Variants in CERS6 observed in about 807,000 individuals in gnomAD.
CERS6 encodes the protein LAG1 homolog, ceramide synthase 6.
CERS6 carries 26 observed loss-of-function variants against 56.8 expected under a neutral mutation model. The ratio of observed to expected loss-of-function variants is 0.46; its 90% confidence interval spans 0.34 to 0.63. The LOEUF is 0.63. Among genes scored for constraint, CERS6 ranks in the 30% least tolerant of loss-of-function variants. The pLI, the probability that CERS6 is intolerant of heterozygous loss-of-function variation, is 0.01. For synonymous variants in CERS6, 164 were observed against 173.3 expected (o/e 0.95, Z 0.42); for missense variants, 415 against 467.5 (o/e 0.89, Z 1.04).
chr2:168,666,268 T>C (rs949718698), intron 4 of CERS6, among the ~76,000 whole-genome samples: 1 of 152,224 alleles, frequency 6.6e-6, no homozygotes, highest in Non-Finnish European at 1.5e-5. Context: ...TACACTGTCA[T>C]GGAGAGTAGC....
At chr2:168,477,660 T>G (rs1218603199) in intron 1 of CERS6, among the ~76,000 whole-genome samples, 2 of 152,202 alleles carry the variant, frequency 1.3e-5, no homozygotes, top group Non-Finnish European at 2.9e-5. Context: ...ACCTTAAATT[T>G]CTATTAGTGT....
At chr2:168,487,981 A>G (rs1213473061) in intron 1 of CERS6, among the ~76,000 whole-genome samples, 1 of 152,108 alleles carries the variant, frequency 6.6e-6, no homozygotes, top group Non-Finnish European at 1.5e-5. Flanking sequence ...TGGCCTCCCA[A>G]AGTACTGGGA....
Position 168,765,646 on chromosome 2 carries a change from C to G in CERS6, c.900C>G (p.Ser300=), listed in dbSNP as rs769678959. The G allele has an allele frequency of 6.2e-7, 1 of 1,614,098 alleles. No homozygotes were observed. The highest frequency in any genetic ancestry group is 1.1e-5 in the South Asian group (1 of 91,064). The change falls in exon 9 of 10, where the codon TCC becomes TCG. Residue 300 remains serine (S), a synonymous_variant. Transcript: ENST00000305747. The part of the protein sequence containing the change: ...ESWEIVGPYP[S]WWVFNLLLLL... ...GGGAGATCGTTGGACCTTACCCTTC[C>G]TGGTGGGTTTTTAACCTACTGCTAT...
intron 8 of CERS6, among the ~76,000 whole-genome samples, chr2:168,743,214 A>ATGTG (rs111304857): frequency 7.7e-6 from 1 of 130,708 alleles, no homozygotes; most frequent in African/African-American, 2.6e-5. Context: ...GTGTGTGTGT[A>ATGTG]TGTGTGTGTG....
chr2:168,694,574 A>G (rs189695877), intron 5 of CERS6, among the ~76,000 whole-genome samples: 1 of 152,248 alleles, frequency 6.6e-6, no homozygotes, highest in East Asian at 1.9e-4. Flanking sequence ...CCTATCACCT[A>G]CTGTCTTGTC....
intron 4 of CERS6, among the ~76,000 whole-genome samples, chr2:168,638,756 G>A (rs1376365363): frequency 6.6e-6 from 1 of 152,122 alleles, no homozygotes; most frequent in Middle Eastern, 3.2e-3. Flanking sequence ...TGTTGTTGCT[G>A]CATTGTGTTT....
intron 8 of CERS6, among the ~76,000 whole-genome samples, chr2:168,719,290 A>T (rs1333489791): frequency 6.6e-6 from 1 of 152,130 alleles, no homozygotes; most frequent in Admixed American, 6.5e-5. Context: ...TTTTTTCCAA[A>T]CATTTACTGG....
intron 6 of CERS6, among the ~76,000 whole-genome samples, chr2:168,712,048 G>A (rs1398156939): frequency 6.6e-6 from 1 of 152,172 alleles, no homozygotes; most frequent in Non-Finnish European, 1.5e-5. Context: ...TCCAGGATAG[G>A]TAAGTGGGGG....
rs533818897 is a variant in CERS6 at position 168,461,225 on chromosome 2, A to G, written c.170+4607A>G. 2.0e-5 allele frequency among the ~76,000 whole-genome samples: 3 copies of G among 152,258 alleles called. No individual in the cohort carries two copies. In the East Asian group the frequency reaches 5.8e-4, roughly 29 times the overall value. ...GGTTTTCTCATGCAATCAGTGCTGG[A>G]TGTTAAACCCTATAAGTGTTCCTTA... is the stretch of plus-strand genomic sequence containing the variant. On this transcript the variant is annotated intron_variant, in intron 1 of 9. Coordinates refer to ENST00000305747, the MANE Select transcript of CERS6 (RefSeq NM_203463.3).
At chr2:168,746,511 C>G (rs1684100426) in intron 8 of CERS6, among the ~76,000 whole-genome samples, 1 of 151,694 alleles carries the variant, frequency 6.6e-6, no homozygotes. Context: ...GGTGGAGGGA[C>G]ATGATGAGAC....
In CERS6 at chr2:168,765,660, A is replaced by C. The variant is rs770756910; in HGVS notation, c.914A>C (p.Asn305Thr). The C allele has an allele frequency of 3.1e-6, 5 of 1,614,098 alleles. No homozygotes were observed. Residue 305 changes from asparagine (N) to threonine (T), a missense_variant, in exon 9 of 10, where the codon AAC becomes ACC. Asn to Thr is a moderately conservative substitution (Grantham distance 65, BLOSUM62 0). Coordinates refer to ENST00000305747, the MANE Select transcript of CERS6 (RefSeq NM_203463.3). ...CCTTACCCTTCCTGGTGGGTTTTTAACCTACTGCTATTGCTAGTACAAGGG... is the reference window on the plus strand; with the variant it reads ...CCTTACCCTTCCTGGTGGGTTTTTACCCTACTGCTATTGCTAGTACAAGGG... ...VGPYPSWWVF[N>T]LLLLLVQGLN...
At chr2:168,669,826 A>G (rs1191826311) in intron 4 of CERS6, among the ~76,000 whole-genome samples, 1 of 152,212 alleles carries the variant, frequency 6.6e-6, no homozygotes, top group Non-Finnish European at 1.5e-5. Context: ...ATATATCTTA[A>G]CATACACGAC....
At chr2:168,552,066 T>C (rs1695582694) in intron 2 of CERS6, among the ~76,000 whole-genome samples, 1 of 152,124 alleles carries the variant, frequency 6.6e-6, no homozygotes, top group African/African-American at 2.4e-5. Flanking sequence ...TAACTTTTGG[T>C]ATGTTAGAGT....
At position 168,495,939 on chromosome 2, in the gene CERS6, A is replaced by G. The variant is rs559978137; in HGVS notation, c.170+39321A>G. Among the ~76,000 whole-genome samples, 10 of 152,274 alleles carry G rather than the reference A, an allele frequency of 6.6e-5. No homozygotes were observed. In the South Asian group the frequency reaches 2.1e-3, roughly 32 times the overall value. ...AGTCTCCATCCCCACCCTGTCTCCCAACTACCCAGGTGATCTCCCTGGGGA... is the reference window on the plus strand; with the variant it reads ...AGTCTCCATCCCCACCCTGTCTCCCGACTACCCAGGTGATCTCCCTGGGGA... On this transcript the variant is annotated intron_variant, in intron 1 of 9. Coordinates refer to ENST00000305747, the MANE Select transcript of CERS6 (RefSeq NM_203463.3).
intron 6 of CERS6, among the ~76,000 whole-genome samples, chr2:168,712,505 TA>T (rs1362931921): frequency 2.0e-5 from 3 of 152,196 alleles, no homozygotes; most frequent in Non-Finnish European, 4.4e-5. Flanking sequence ...ACCCCAGAAA[TA>T]ATTTTATTCT....
intron 4 of CERS6, among the ~76,000 whole-genome samples, chr2:168,678,630 G>A (rs561297967): frequency 6.6e-6 from 1 of 152,246 alleles, no homozygotes; most frequent in African/African-American, 2.4e-5. Context: ...TCCATTCCTG[G>A]TGGGGGTTGG....
chr2:168,731,774 T>G (rs62174445), intron 8 of CERS6, among the ~76,000 whole-genome samples: 13,851 of 152,234 alleles, frequency 0.091, 780 homozygotes, highest in East Asian at 0.13. Context: ...TGTTGTCAAT[T>G]AGGTGCCCAA....
intron 4 of CERS6, among the ~76,000 whole-genome samples, chr2:168,675,994 AT>A (rs2105345037): frequency 6.6e-6 from 1 of 152,224 alleles, no homozygotes; most frequent in South Asian, 2.1e-4. Context: ...CAAAATAACC[AT>A]TTTCTAAAAC....
chr2:168,474,553 A>G (rs938746711), intron 1 of CERS6, among the ~76,000 whole-genome samples: 2 of 152,224 alleles, frequency 1.3e-5, no homozygotes, highest in Non-Finnish European at 1.5e-5. Flanking sequence ...TAAAGAAAAC[A>G]ACTATTTTAA....
Sources: gnomAD v4.1 joint callset for allele counts (sites outside exome capture counted in the v4.1 genomes callset) on GRCh38, gnomAD v4.1.1 for gene constraint, MANE v1.5 for transcripts, NCBI Gene and HGNC (gene_info 2026-07-23, HGNC 2026-07-21) for gene names.